CCT6B: variants seen among roughly 807,000 people sequenced by gnomAD.
CCT6B encodes the protein probable T-complex protein 1 subunit zeta-2.
In CCT6B, 49 loss-of-function variants were observed where a neutral mutation model predicts 61.5. That is an observed-to-expected ratio of 0.80 (90% CI 0.63 to 1.01). The LOEUF (loss-of-function observed/expected upper bound fraction) is 1.01, where lower values mean the gene tolerates loss of function less well. CCT6B is among the 50% of genes least tolerant of loss of function. The pLI, the probability that CCT6B is intolerant of heterozygous loss-of-function variation, is 0.00. For synonymous variants in CCT6B, 228 were observed against 214.5 expected, an observed-to-expected ratio of 1.06 and a Z score of -0.55; for missense variants, 666 against 634.7, an observed-to-expected ratio of 1.05 and a Z score of -0.53.
rs558304138 is a variant in CCT6B at position 34,954,722 on chromosome 17, C to T, written c.337-123G>A. 24 of 706,992 alleles carry T rather than the reference C, an allele frequency of 3.4e-5. No individual in the cohort carries two copies. In the African/African-American group the frequency reaches 4.1e-4, roughly 12 times the overall value. The allele number at this position is 706,992 out of a possible 1,614,324, so 43.8% of individuals were successfully genotyped here. On this transcript the variant is annotated intron_variant, in intron 3 of 13. Transcript: ENST00000314144. The stretch of plus-strand genomic sequence containing the variant: ...ATTAATGCCATGAAATATAAGTGTA[C>T]ATAATTTATAAAAGTCATTTTAGTG...
At chr17:34,955,574 T>C (rs2090339209) in intron 3 of CCT6B, among the ~76,000 whole-genome samples, 1 of 152,192 alleles carries the variant, frequency 6.6e-6, no homozygotes, top group Admixed American at 6.5e-5. Context: ...GTTTGCAACT[T>C]TTCTATAGGT....
chr17:34,928,544 A>T (rs904042208), intron 13 of CCT6B, among the ~76,000 whole-genome samples: 1 of 152,162 alleles, frequency 6.6e-6, no homozygotes, highest in African/African-American at 2.4e-5. Flanking sequence ...AAGTGCTGGG[A>T]TTACGGGTGT....
intron 3 of CCT6B, among the ~76,000 whole-genome samples, chr17:34,957,069 A>G (rs2090355431): frequency 6.6e-6 from 1 of 151,528 alleles, no homozygotes; most frequent in African/African-American, 2.4e-5. Flanking sequence ...TCAGCCTCCC[A>G]AAGTGCTGGG....
chr17:34,942,056 A>C (rs1023836139), intron 7 of CCT6B, among the ~76,000 whole-genome samples: 1 of 152,110 alleles, frequency 6.6e-6, no homozygotes, highest in Admixed American at 6.6e-5. Flanking sequence ...AAAAAAAAAA[A>C]ACAGTGCTTT....
intron 12 of CCT6B, among the ~76,000 whole-genome samples, chr17:34,929,357 C>A (rs1471949515): frequency 6.6e-6 from 1 of 152,060 alleles, no homozygotes; most frequent in Admixed American, 6.5e-5. Flanking sequence ...GTTGGAGTAC[C>A]CAAAAGTTCA....
intron 6 of CCT6B, 47 bp from the exon 7 acceptor site, chr17:34,942,690 A>G (rs550441619): frequency 4.9e-5 from 75 of 1,528,476 alleles, no homozygotes; most frequent in Non-Finnish European, 6.5e-5. Context: ...AGGAAAAAGG[A>G]AAAAAGATAG....
At chr17:34,952,913 AGAATGGGTGCCCTAGCAGCAT>A (rs1195112536) in intron 4 of CCT6B, among the ~76,000 whole-genome samples, 1 of 152,226 alleles carries the variant, frequency 6.6e-6, no homozygotes, top group African/African-American at 2.4e-5. Flanking sequence ...ACTCTAAAAC[AGAATGGGTGCCCTAGCAGCAT>A]GAAGATTTGG....
chr17:34,951,216 T>C (rs1178022438), intron 5 of CCT6B, among the ~76,000 whole-genome samples: 1 of 152,224 alleles, frequency 6.6e-6, no homozygotes, highest in Non-Finnish European at 1.5e-5. Context: ...TGTGATAGTA[T>C]TAATGAGTTA....
chr17:34,954,510 C>T lies in CCT6B; in HGVS notation c.426G>A (p.Glu142=), dbSNP rs757244443. The T allele has an allele frequency of 4.3e-6, 7 of 1,613,362 alleles. No individual in the cohort carries two copies. Among genetic ancestry groups the T allele is most frequent in the Non-Finnish European group, 5.9e-6 (7 of 1,179,658 alleles). Residue 142 remains glutamate, a synonymous_variant, in exon 4 of 14, where the codon GAG becomes GAA. Coordinates refer to ENST00000314144, the MANE Select transcript of CCT6B (RefSeq NM_006584.4). ...CATCTAAGAGGATTTTTCTTTTCATCTCCTTTGTCACTTTAACTTCCTCCA... is the reference window on the plus strand; with the variant it reads ...CATCTAAGAGGATTTTTCTTTTCATTTCCTTTGTCACTTTAACTTCCTCCA... ...EVLEEVKVTK[E]MKRKILLDVA...
In CCT6B at chr17:34,942,923, T is replaced by C. The variant is rs1336580144; in HGVS notation, c.615-17A>G. On this transcript the variant is annotated splice_polypyrimidine_tract_variant and intron_variant, in intron 5 of 13. Coordinates refer to ENST00000314144, the MANE Select transcript of CCT6B (RefSeq NM_006584.4). Reference sequence around the variant, plus strand: ...TGGATCAACCTATTAAAAATATTAATGTTTCTTACTTTGAATATATACTCT... The same window carrying C: ...TGGATCAACCTATTAAAAATATTAACGTTTCTTACTTTGAATATATACTCT... 1 of 1,404,738 alleles carries C rather than the reference T, an allele frequency of 7.1e-7. No individual in the cohort carries two copies. Among genetic ancestry groups the C allele is most frequent in the South Asian group, 1.3e-5 (1 of 79,392 alleles). 87.0% of individuals were successfully genotyped at this position (1,404,738 alleles called of 1,614,324 possible).
At chr17:34,928,878 G>A in intron 13 of CCT6B, 84 bp downstream of exon 13, 1 of 796,666 alleles carries the variant, frequency 1.3e-6, no homozygotes, top group Non-Finnish European at 2.1e-6. Flanking sequence ...ACTGTACAGG[G>A]ACAAAAATAA....
chr17:34,930,746 C>G (rs1015172969), intron 12 of CCT6B, among the ~76,000 whole-genome samples: 3 of 152,104 alleles, frequency 2.0e-5, no homozygotes, highest in African/African-American at 7.2e-5. Flanking sequence ...CTGTTTTGTT[C>G]TGTGTGAAGC....
chr17:34,938,627 A>G (rs1458380792), intron 10 of CCT6B, among the ~76,000 whole-genome samples: 1 of 152,146 alleles, frequency 6.6e-6, no homozygotes, highest in East Asian at 1.9e-4. Flanking sequence ...GCACTTTGGG[A>G]GGCCAAGACA....
chr17:34,938,235 C>T (rs148219079), intron 10 of CCT6B, among the ~76,000 whole-genome samples: 214 of 152,186 alleles, frequency 1.4e-3, no homozygotes, highest in African/African-American at 4.8e-3. Context: ...ACAGAAAATT[C>T]ACCAGATATA....
In CCT6B at chr17:34,928,998, T is replaced by C. The variant is rs1236993726; in HGVS notation, c.1487A>G (p.Asp496Gly). Residue 496 changes from aspartate (D) to glycine (G), a missense_variant, in exon 13 of 14, where the codon GAT (aspartate) becomes GGT (glycine). Transcript: ENST00000314144. The part of the protein sequence containing the change: ...PMVAADAGVW[D>G]NYCVKKQLLH... ...AAGTTGTTTTTTTACACAATAATTA[T>C]CCCAAACTCCTGCATCTGCTGCTAC... 1 of 1,609,668 alleles carries C rather than the reference T, an allele frequency of 6.2e-7. No individual in the cohort carries two copies. Among genetic ancestry groups the C allele is most frequent in the Admixed American group, 1.7e-5 (1 of 59,966 alleles).
intron 5 of CCT6B, among the ~76,000 whole-genome samples, chr17:34,948,731 C>A (rs71381406): frequency 0.21 from 29,177 of 141,924 alleles, 3,487 homozygotes; most frequent in East Asian, 0.54. Context: ...AAAAAAAAAA[C>A]AAAACAAAAC....
In CCT6B at chr17:34,932,487, A is replaced by T. The variant is rs780871687; in HGVS notation, c.1227T>A (p.Pro409=). 94 of 1,610,564 alleles carry T rather than the reference A, an allele frequency of 5.8e-5. No individual in the cohort carries two copies. The highest frequency in any genetic ancestry group is 7.8e-5 in the Non-Finnish European group (92 of 1,178,790). ...TTGCCACTTCAATTGCACCAGCTCC[A>T]GGAACCATACAACCTATTGGAGAGA... ...KNAIEDGCMV[P]GAGAIEVAMA... Residue 409 remains proline, a synonymous_variant, in exon 11 of 14, where the codon CCT becomes CCA. Transcript: ENST00000314144.
chr17:34,932,301 G>A, intron 11 of CCT6B, 66 bp downstream of exon 11: 1 of 1,421,930 alleles, frequency 7.0e-7, no homozygotes, highest in Non-Finnish European at 9.5e-7. Context: ...CAGATAATAT[G>A]GGCAATTTGT....
chr17:34,941,459 G>T (rs1434285544), intron 7 of CCT6B, among the ~76,000 whole-genome samples: 1 of 152,184 alleles, frequency 6.6e-6, no homozygotes, highest in Non-Finnish European at 1.5e-5. Flanking sequence ...TATCAGGAAA[G>T]TCTTTTAAGT....
Sources: gnomAD v4.1 joint callset for allele counts (sites outside exome capture counted in the v4.1 genomes callset) on GRCh38, gnomAD v4.1.1 for gene constraint, MANE v1.5 for transcripts, NCBI Gene and HGNC (gene_info 2026-07-23, HGNC 2026-07-21) for gene names.